CDH4: variants seen among roughly 807,000 people sequenced by gnomAD.
The protein encoded by CDH4 is cadherin-4.
Under a neutral mutation model 86.0 loss-of-function variants are expected in CDH4, and 33 were observed. That is an observed-to-expected ratio of 0.38 (90% CI 0.29 to 0.51). The LOEUF (loss-of-function observed/expected upper bound fraction) is 0.51. Among genes scored for constraint, CDH4 ranks in the 20% least tolerant of loss-of-function variants. The pLI, the probability that CDH4 is intolerant of heterozygous loss-of-function variation, is 0.86. For missense variants in CDH4, 1,114 were observed against 1,307.4 expected, an observed-to-expected ratio of 0.85 and a Z score of 2.28; for synonymous variants, 555 against 549.4, an observed-to-expected ratio of 1.01 and a Z score of -0.14.
intron 2 of CDH4, among the ~76,000 whole-genome samples, chr20:61,488,377 G>A (rs929969242): frequency 3.3e-5 from 5 of 152,080 alleles, no homozygotes; most frequent in Admixed American, 1.3e-4. Flanking sequence ...TTTGTTCAGC[G>A]CCTCTGTAAA....
intron 1 of CDH4, 57 bp from the exon 2 acceptor site, chr20:61,254,769 G>A (rs1041174130): frequency 3.5e-6 from 4 of 1,127,900 alleles, no homozygotes; most frequent in African/African-American, 3.1e-5. Flanking sequence ...GATGAATGTT[G>A]GTTGGATTAA....
intron 8 of CDH4, among the ~76,000 whole-genome samples, chr20:61,909,814 C>T (rs902753721): frequency 9.9e-5 from 15 of 152,240 alleles, no homozygotes; most frequent in African/African-American, 3.6e-4. Context: ...TTTCTAGCTC[C>T]AAGGATTGAG....
intron 4 of CDH4, among the ~76,000 whole-genome samples, chr20:61,814,742 G>A (rs186977808): frequency 1.1e-4 from 17 of 152,334 alleles, no homozygotes; most frequent in Admixed American, 2.6e-4. Context: ...AGTAGCTTCT[G>A]AATGTCCTCC....
intron 2 of CDH4, among the ~76,000 whole-genome samples, chr20:61,350,100 G>A (rs2084702404): frequency 6.6e-6 from 1 of 150,586 alleles, no homozygotes; most frequent in South Asian, 2.1e-4. Context: ...CCCAGCGTCA[G>A]GCAGACACCT....
At chr20:61,691,316 T>C (rs1390949236) in intron 2 of CDH4, among the ~76,000 whole-genome samples, 1 of 152,084 alleles carries the variant, frequency 6.6e-6, no homozygotes, top group African/African-American at 2.4e-5. Context: ...TGTGTGGATG[T>C]GTGTGTGCAA....
At position 61,708,401 on chromosome 20, in the gene CDH4, T is replaced by C. The variant is rs1372656254; in HGVS notation, c.170-35162T>C. Among the ~76,000 whole-genome samples the C allele has an allele frequency of 6.6e-6, 1 of 151,900 alleles. No homozygotes were observed. The highest frequency in any genetic ancestry group is 1.5e-5 in the Non-Finnish European group (1 of 67,952). On this transcript the variant is annotated intron_variant, in intron 2 of 15. Coordinates refer to ENST00000614565, the MANE Select transcript of CDH4 (RefSeq NM_001794.5). The surrounding 1 kb of genome is among the most constrained non-coding windows in gnomAD (Gnocchi z 4.5). Reference sequence around the variant, plus strand: ...ACTCTCCACGTTGGCTGCCTCAGTCTGGGTCACAGACACAGGCTTCCCAGC... The same window carrying C: ...ACTCTCCACGTTGGCTGCCTCAGTCCGGGTCACAGACACAGGCTTCCCAGC...
chr20:61,356,330 C>T (rs542931538), intron 2 of CDH4, among the ~76,000 whole-genome samples: 1 of 152,198 alleles, frequency 6.6e-6, no homozygotes, highest in Non-Finnish European at 1.5e-5. Flanking sequence ...AAGCAGCAGG[C>T]CATTCCCCGG....
chr20:61,841,957 G>A (rs1982198406), intron 4 of CDH4, among the ~76,000 whole-genome samples: 1 of 152,192 alleles, frequency 6.6e-6, no homozygotes, highest in African/African-American at 2.4e-5. Context: ...GGTGTGCGGG[G>A]CACCTCACTC....
At chr20:61,308,902 G>A (rs117967168) in intron 2 of CDH4, among the ~76,000 whole-genome samples, 219 of 152,312 alleles carry the variant, frequency 1.4e-3, no homozygotes, top group African/African-American at 4.8e-3. Flanking sequence ...AGCAGAGCTC[G>A]TAGCCTGTGG....
chr20:61,347,840 G>A (rs2084688714), intron 2 of CDH4, among the ~76,000 whole-genome samples: 2 of 152,240 alleles, frequency 1.3e-5, no homozygotes, highest in African/African-American at 4.8e-5. Context: ...CCACAAACCA[G>A]GTGGGAAGCA....
chr20:61,844,013 C>T (rs775913121), intron 4 of CDH4, among the ~76,000 whole-genome samples: 5 of 152,146 alleles, frequency 3.3e-5, no homozygotes, highest in African/African-American at 7.2e-5. Flanking sequence ...GAGTGAAAGA[C>T]GTGCATCTTG....
intron 2 of CDH4, among the ~76,000 whole-genome samples, chr20:61,580,121 A>G (rs6121439): frequency 0.059 from 8,012 of 136,282 alleles, 542 homozygotes; most frequent in African/African-American, 0.21. Context: ...TTACACTGCT[A>G]CAAAAAAAAA....
intron 2 of CDH4, among the ~76,000 whole-genome samples, chr20:61,274,360 G>A (rs1360739222): frequency 2.9e-5 from 3 of 103,860 alleles, no homozygotes; most frequent in Non-Finnish European, 5.5e-5. Flanking sequence ...ACTGCATGCA[G>A]TTGTTTGGGG....
chr20:61,263,404 G>A (rs1422296446), intron 2 of CDH4, among the ~76,000 whole-genome samples: 3 of 152,170 alleles, frequency 2.0e-5, no homozygotes, highest in Admixed American at 6.5e-5. Flanking sequence ...GCTCCCCGAG[G>A]CCATTTTCCT....
chr20:61,299,838 C>T (rs1568788049), intron 2 of CDH4, among the ~76,000 whole-genome samples: 1 of 152,126 alleles, frequency 6.6e-6, no homozygotes, highest in Admixed American at 6.6e-5. Context: ...AGTGTTAGGG[C>T]CCTAAACTAT....
intron 4 of CDH4, among the ~76,000 whole-genome samples, chr20:61,826,987 G>A (rs1051288053): frequency 1.8e-4 from 28 of 151,818 alleles, no homozygotes; most frequent in East Asian, 3.9e-4. Flanking sequence ...GTGTGTGTGT[G>A]TGTGTGTGTG....
intron 2 of CDH4, among the ~76,000 whole-genome samples, chr20:61,308,165 T>C (rs2084427465): frequency 6.6e-6 from 1 of 152,216 alleles, no homozygotes; most frequent in Non-Finnish European, 1.5e-5. Flanking sequence ...TCCTTTCGTC[T>C]TTTTATGGCC....
chr20:61,300,340 A>G (rs984772663), intron 2 of CDH4, among the ~76,000 whole-genome samples: 1 of 152,048 alleles, frequency 6.6e-6, no homozygotes, highest in Non-Finnish European at 1.5e-5. Flanking sequence ...GGGAGAGGGA[A>G]CAGTGCGTGT....
intron 2 of CDH4, among the ~76,000 whole-genome samples, chr20:61,580,601 C>T (rs1046183247): frequency 5.9e-5 from 9 of 151,836 alleles, no homozygotes; most frequent in African/African-American, 1.2e-4. Flanking sequence ...CCTTGCTGTG[C>T]GCTGAAGGCA....
Sources: gnomAD v4.1 joint callset for allele counts (sites outside exome capture counted in the v4.1 genomes callset) on GRCh38, gnomAD v4.1.1 for gene constraint, Gnocchi (gnomAD v3.1) non-coding constraint, MANE v1.5 for transcripts, NCBI Gene and HGNC (gene_info 2026-07-23, HGNC 2026-07-21) for gene names.